The following SH3D19 variants were observed in gnomAD, a reference collection of about 807,000 sequenced individuals.
SH3D19 encodes SH3 domain-containing protein 19.
A neutral mutation model predicts 112.1 loss-of-function variants in SH3D19; 58 were observed. That is an observed-to-expected ratio of 0.52 (90% CI 0.42 to 0.64). The LOEUF (loss-of-function observed/expected upper bound fraction) is 0.64, where lower values mean the gene tolerates loss of function less well. Ranked by LOEUF, SH3D19 falls within the 30% of genes least tolerant of loss-of-function variation. SH3D19 has a pLI of 0.00. For missense variants in SH3D19, 1,090 were observed against 1,263.4 expected (o/e 0.86, Z 2.08); for synonymous variants, 391 against 448.5 (o/e 0.87, Z 1.62).
chr4:151,313,106 G>GAAAAAAAAA (rs1729638864), intron 1 of SH3D19, among the ~76,000 whole-genome samples: 1 of 124,780 alleles, frequency 8.0e-6, no homozygotes. Flanking sequence ...AAAAAAAAAT[G>GAAAAAAAAA]CAGAGTTGCA....
chr4:151,222,596 T>G (rs138305119), intron 2 of SH3D19, among the ~76,000 whole-genome samples: 140 of 152,076 alleles, frequency 9.2e-4, no homozygotes, highest in Non-Finnish European at 1.5e-3. Context: ...TTGGGATTTT[T>G]TAGTCCTAGA....
intron 1 of SH3D19, among the ~76,000 whole-genome samples, chr4:151,253,433 G>GCC (rs559805012): frequency 0.01 from 1,598 of 152,260 alleles, 10 homozygotes; most frequent in Non-Finnish European, 0.017. Flanking sequence ...AAGTATCTAA[G>GCC]CCTGTTATTA....
chr4:151,177,203 T>C (rs1760084342), intron 4 of SH3D19, among the ~76,000 whole-genome samples: 1 of 152,226 alleles, frequency 6.6e-6, no homozygotes, highest in Non-Finnish European at 1.5e-5. Context: ...CTGGGCACAC[T>C]TGGCTCTGCC....
rs1434336696 is a variant in SH3D19, at chr4:151,234,342, G to C, written c.113-8256C>G. On this transcript the variant is annotated intron_variant, in intron 1 of 19. Coordinates refer to ENST00000604030, the MANE Select transcript of SH3D19 (RefSeq NM_001378122.1). ...ATGATTTGGGGTTCTTATGTTAGTT[G>C]TTTCAGAGATGAAATCAAAGCCACC... 3.9e-5 allele frequency among the ~76,000 whole-genome samples: 6 copies of C among 152,176 alleles called. No homozygotes were observed. In the East Asian group the frequency reaches 9.6e-4, roughly 24 times the overall value.
intron 1 of SH3D19, among the ~76,000 whole-genome samples, chr4:151,297,634 T>C (rs11099801): frequency 0.33 from 50,726 of 152,028 alleles, 9,829 homozygotes; most frequent in Non-Finnish European, 0.45. Flanking sequence ...AGAATGACCA[T>C]AGGTTACTGG....
chr4:151,189,858 A>G (rs1762366970), intron 2 of SH3D19, among the ~76,000 whole-genome samples: 2 of 152,180 alleles, frequency 1.3e-5, no homozygotes, highest in Non-Finnish European at 2.9e-5. Flanking sequence ...AAAATGTGGA[A>G]GCGACTTTGG....
intron 1 of SH3D19, chr4:151,283,078 T>C (rs1306192420): frequency 6.2e-7 from 1 of 1,603,344 alleles, no homozygotes; most frequent in Non-Finnish European, 8.5e-7. Context: ...TGCACTTTTC[T>C]AGGTTGCTTT....
At chr4:151,135,513 G>A (rs10452218) in intron 14 of SH3D19, among the ~76,000 whole-genome samples, 8,075 of 136,566 alleles carry the variant, frequency 0.059, 676 homozygotes, top group African/African-American at 0.2. Flanking sequence ...CTGCAGCCTT[G>A]ACCTCCCAGC....
chr4:151,213,641 T>A (rs1406793888), intron 2 of SH3D19, among the ~76,000 whole-genome samples: 1 of 151,496 alleles, frequency 6.6e-6, no homozygotes, highest in Non-Finnish European at 1.5e-5. Flanking sequence ...CAAGATCCTG[T>A]CTTGGAGGGA....
chr4:151,282,788 G>C (rs537528501), intron 1 of SH3D19, among the ~76,000 whole-genome samples: 24 of 152,126 alleles, frequency 1.6e-4, no homozygotes, highest in African/African-American at 5.3e-4. Flanking sequence ...GACAAGAACT[G>C]ATCTAGAAGC....
intron 1 of SH3D19, among the ~76,000 whole-genome samples, chr4:151,309,767 A>G (rs1040804927): frequency 6.6e-6 from 1 of 152,102 alleles, no homozygotes; most frequent in Admixed American, 6.5e-5. Flanking sequence ...AGGCAGGAGG[A>G]TCACTTGAGT....
At chr4:151,242,664 G>T (rs1770654775) in intron 1 of SH3D19, among the ~76,000 whole-genome samples, 1 of 152,142 alleles carries the variant, frequency 6.6e-6, no homozygotes, top group African/African-American at 2.4e-5. Flanking sequence ...AAAGGAGAAA[G>T]TATATTTAGA....
At chr4:151,166,523 G>A in intron 7 of SH3D19, among the ~76,000 whole-genome samples, 1 of 150,536 alleles carries the variant, frequency 6.6e-6, no homozygotes. Flanking sequence ...AAATCTACAA[G>A]TAAAAATATT....
intron 1 of SH3D19, among the ~76,000 whole-genome samples, chr4:151,258,234 C>T (rs1185409934): frequency 6.6e-6 from 1 of 152,124 alleles, no homozygotes; most frequent in Non-Finnish European, 1.5e-5. Flanking sequence ...CTAAGGAAGG[C>T]TAAGAGCAGG....
At chr4:151,144,374 T>C (rs1388656964) in intron 11 of SH3D19, 3 of 1,189,282 alleles carry the variant, frequency 2.5e-6, no homozygotes, top group Non-Finnish European at 3.8e-6. Flanking sequence ...GGCATGTGTG[T>C]GCCTAAAGTG....
chr4:151,287,066 C>A (rs1469783444), intron 1 of SH3D19, among the ~76,000 whole-genome samples: 1 of 151,204 alleles, frequency 6.6e-6, no homozygotes, highest in Admixed American at 6.6e-5. Context: ...GGGGACTGGG[C>A]ACAGTGGCTC....
intron 2 of SH3D19, among the ~76,000 whole-genome samples, chr4:151,208,410 G>A (rs1765424906): frequency 6.6e-6 from 1 of 152,014 alleles, no homozygotes; most frequent in South Asian, 2.1e-4. Flanking sequence ...CACTCTTGTT[G>A]CCCAGGTTGG....
intron 1 of SH3D19, among the ~76,000 whole-genome samples, chr4:151,272,339 AC>A: frequency 6.6e-6 from 1 of 152,312 alleles, no homozygotes; most frequent in African/African-American, 2.4e-5. Flanking sequence ...ATACAGCCAT[AC>A]CCATGAAAAC....
chr4:151,128,448 T>A, intron 17 of SH3D19, 92 bp from the exon 18 acceptor site: 1 of 965,606 alleles, frequency 1.0e-6, no homozygotes. Flanking sequence ...AAAAAAAAAC[T>A]AAGGGGTCTT....
Sources: gnomAD v4.1 joint callset for allele counts (sites outside exome capture counted in the v4.1 genomes callset) on GRCh38, gnomAD v4.1.1 for gene constraint, MANE v1.5 for transcripts, NCBI Gene and HGNC (gene_info 2026-07-23, HGNC 2026-07-21) for gene names.